Variants in NAPG observed in about 807,000 individuals in gnomAD.
The protein encoded by NAPG is NSF attachment protein gamma, also known as gamma-soluble NSF attachment protein.
NAPG carries 25 observed loss-of-function variants against 48.4 expected under a neutral mutation model. The ratio of observed to expected loss-of-function variants is 0.52; its 90% CI spans 0.38 to 0.72. The LOEUF is 0.72. NAPG is among the 30% of genes least tolerant of loss of function. The pLI is 0.00. For missense variants in NAPG, 359 were observed against 372.5 expected, an observed-to-expected ratio of 0.96 and a Z score of 0.30; for synonymous variants, 139 against 127.2, an observed-to-expected ratio of 1.09 and a Z score of -0.62.
At position 10,530,781 on chromosome 18, in the gene NAPG, G is replaced by GT; in HGVS notation, c.74dup (p.Leu25PhefsTer8). 6.4e-7 allele frequency: 1 copy of GT among 1,573,892 alleles called. No individual in the cohort carries two copies. Among genetic ancestry groups the GT allele is most frequent in the Non-Finnish European group, 8.6e-7 (1 of 1,159,968 alleles). On this transcript the variant is annotated frameshift_variant, in exon 2 of 12. Coordinates refer to ENST00000322897, the MANE Select transcript of NAPG (RefSeq NM_003826.3). LOFTEE classifies it high-confidence loss of function. Reference sequence around the variant, plus strand: ...TTTTTTCATTCTAGCCTGAAAACTGGTTTTTTAAAATGGAAGCCAGATTAT... The same window carrying GT: ...TTTTTTCATTCTAGCCTGAAAACTGGTTTTTTTAAAATGGAAGCCAGATTAT...
Position 10,539,501 on chromosome 18 carries a change from T to C in NAPG, c.259-261T>C. On this transcript the variant is annotated intron_variant, in intron 5 of 11. Transcript: ENST00000322897. The surrounding 1 kb of genome is among the most constrained non-coding windows in gnomAD (Gnocchi z 4.7). Reference sequence around the variant, plus strand: ...CACAGGGAGGGGAACATCACACTCCTGGGCCTGTCGGGGGCTGGGGAATAA... The same window carrying C: ...CACAGGGAGGGGAACATCACACTCCCGGGCCTGTCGGGGGCTGGGGAATAA... The C allele has an allele frequency of 2.7e-6, 1 of 374,894 alleles. No individual in the cohort carries two copies. The highest frequency in any genetic ancestry group is 2.9e-5 in the South Asian group (1 of 34,412). 23.2% of individuals were successfully genotyped at this position (374,894 alleles called of 1,614,324 possible).
At chr18:10,545,922 G>C (rs941643512) in intron 8 of NAPG, among the ~76,000 whole-genome samples, 1 of 152,134 alleles carries the variant, frequency 6.6e-6, no homozygotes, top group Admixed American at 6.5e-5. Flanking sequence ...GGACACAGTC[G>C]GGGGAAGGCA....
chr18:10,533,469 G>A, intron 3 of NAPG, 67 bp from the exon 4 acceptor site: 1 of 1,407,452 alleles, frequency 7.1e-7, no homozygotes, highest in Non-Finnish European at 9.7e-7. Flanking sequence ...TCTTTAAATA[G>A]TTGATCTATA....
chr18:10,538,306 G>A, intron 5 of NAPG, among the ~76,000 whole-genome samples: 1 of 152,190 alleles, frequency 6.6e-6, no homozygotes, highest in Non-Finnish European at 1.5e-5. Flanking sequence ...GCCAGGAGGT[G>A]CATGCTCATG....
chr18:10,550,753 G>C lies in NAPG; in HGVS notation c.*533G>C, dbSNP rs1231153254. 1 of 152,298 alleles carries C rather than the reference G, an allele frequency of 6.6e-6. No homozygotes were observed. Among genetic ancestry groups the C allele is most frequent in the African/African-American group, 2.4e-5 (1 of 41,396 alleles). 9.4% of individuals were successfully genotyped at this position (152,298 alleles called of 1,614,324 possible). ...TGAGATGGGGACAGGAAGTTATTTT[G>C]AGCCTTACAATATTATTTAGCCCAA... On this transcript the variant is annotated 3_prime_UTR_variant, in exon 12 of 12. Transcript: ENST00000322897.
At position 10,551,402 on chromosome 18, in the gene NAPG, T is replaced by G. The variant is rs2032391015; in HGVS notation, c.*1182T>G. On this transcript the variant is annotated 3_prime_UTR_variant, in exon 12 of 12. Coordinates refer to ENST00000322897, the MANE Select transcript of NAPG (RefSeq NM_003826.3). Reference sequence around the variant, plus strand: ...ATGCTATATACTATGAAAACTTAGCTGAAAGGGAAGAATTGTTTTAGAAAG... The same window carrying G: ...ATGCTATATACTATGAAAACTTAGCGGAAAGGGAAGAATTGTTTTAGAAAG... The G allele has an allele frequency of 6.6e-6, 1 of 152,254 alleles. No homozygotes were observed. The highest frequency in any genetic ancestry group is 6.5e-5 in the Admixed American group (1 of 15,282). The allele number at this position is 152,254 out of a possible 1,614,324, so 9.4% of individuals were successfully genotyped here. A position where few individuals can be genotyped will look rare whatever the true frequency, so the allele number is the denominator to read the frequency against.
chr18:10,539,046 TTGG>T lies in NAPG; in HGVS notation c.259-712_259-710del, dbSNP rs1269733080. On this transcript the variant is annotated intron_variant, in intron 5 of 11. Transcript: ENST00000322897. The surrounding 1 kb of genome is among the most constrained non-coding windows in gnomAD (Gnocchi z 4.7). ...GAGAAATAGGAAAGTTTTTATACTG[TTGG>T]TGGGAGTGTAAATTAGTTCAACCGT... 6.6e-6 allele frequency: 1 copy of T among 152,182 alleles called. No individual in the cohort carries two copies. The highest frequency in any genetic ancestry group is 1.5e-5 in the Non-Finnish European group (1 of 68,038). 9.4% of individuals were successfully genotyped at this position (152,182 alleles called of 1,614,324 possible).
Position 10,539,641 on chromosome 18 carries a change from G to A in NAPG, c.259-121G>A. The A allele has an allele frequency of 3.8e-6, 3 of 789,282 alleles. No homozygotes were observed. The highest frequency in any genetic ancestry group is 5.4e-5 in the East Asian group (2 of 37,304). 48.9% of individuals were successfully genotyped at this position (789,282 alleles called of 1,614,324 possible). A position where few individuals can be genotyped will look rare whatever the true frequency, so the allele number is the denominator to read the frequency against. On this transcript the variant is annotated intron_variant, in intron 5 of 11. Transcript: ENST00000322897. This position sits in a 1 kb window ranked among gnomAD's most constrained non-coding sequence, Gnocchi z 4.7. Reference sequence around the variant, plus strand: ...ACATGTATACCTATGTAACAAACCTGCACATTCTGCACATGTGTCCCAGAA... The same window carrying A: ...ACATGTATACCTATGTAACAAACCTACACATTCTGCACATGTGTCCCAGAA...
Position 10,533,372 on chromosome 18 carries a change from A to G in NAPG, c.210-164A>G, listed in dbSNP as rs2031969385. On this transcript the variant is annotated intron_variant, in intron 3 of 11. Coordinates refer to ENST00000322897, the MANE Select transcript of NAPG (RefSeq NM_003826.3). ...TTTGGGAATTATGTAGTTTTAAACT[A>G]TATTGACAGGTATTGAATTACTTCT... 1.5e-5 allele frequency: 8 copies of G among 523,656 alleles called. No individual in the cohort carries two copies. The East Asian group carries it at 2.6e-4, about 17-fold the overall frequency. The allele number at this position is 523,656 out of a possible 1,614,324, so 32.4% of individuals were successfully genotyped here.
In NAPG at chr18:10,534,781, C is replaced by G. The variant is rs2031998854; in HGVS notation, c.258+285C>G. Among the ~76,000 whole-genome samples the G allele has an allele frequency of 6.6e-6, 1 of 152,088 alleles. No homozygotes were observed. The highest frequency in any genetic ancestry group is 1.5e-5 in the Non-Finnish European group (1 of 68,032). The stretch of plus-strand genomic sequence containing the variant: ...TAGATGTGTATTGCTATAAAAAGAG[C>G]TCTATGGGAAGTTTCTCTACTTTTG... On this transcript the variant is annotated intron_variant, in intron 5 of 11. Transcript: ENST00000322897. This position sits in a 1 kb window ranked among gnomAD's most constrained non-coding sequence, Gnocchi z 5.0.
At chr18:10,549,979 C>T in intron 11 of NAPG, 98 bp from the exon 12 acceptor site, 1 of 1,289,182 alleles carries the variant, frequency 7.8e-7, no homozygotes, top group Non-Finnish European at 1.0e-6. Context: ...ATTGGTGTTC[C>T]TGAGGGTGGG....
At position 10,546,945 on chromosome 18, in the gene NAPG, C is replaced by T. The variant is rs2032279592; in HGVS notation, c.585+541C>T. Among the ~76,000 whole-genome samples, 1 of 152,126 alleles carries T rather than the reference C, an allele frequency of 6.6e-6. No individual in the cohort carries two copies. The highest frequency in any genetic ancestry group is 6.5e-5 in the Admixed American group (1 of 15,272). On this transcript the variant is annotated intron_variant, in intron 9 of 11. Transcript: ENST00000322897. This position sits in a 1 kb window ranked among gnomAD's most constrained non-coding sequence, Gnocchi z 4.0. Reference sequence around the variant, plus strand: ...CAGGTTGATAAAACTCCACAAGGACCCCAGTCTCTTTTGCCAGAGGAACTA... The same window carrying T: ...CAGGTTGATAAAACTCCACAAGGACTCCAGTCTCTTTTGCCAGAGGAACTA...
rs1345507371 is a variant in NAPG at position 10,544,765 on chromosome 18, G to T, written c.507-1561G>T. On this transcript the variant is annotated intron_variant, in intron 8 of 11. Transcript: ENST00000322897. This position sits in a 1 kb window ranked among gnomAD's most constrained non-coding sequence, Gnocchi z 5.1. ...AATGTTTACAAGGGGCAAGAATCGG[G>T]AGCACTCTTAGAATTCTGCTACCAA... Among the ~76,000 whole-genome samples, 1 of 152,166 alleles carries T rather than the reference G, an allele frequency of 6.6e-6. No individual in the cohort carries two copies. Among genetic ancestry groups the T allele is most frequent in the Non-Finnish European group, 1.5e-5 (1 of 68,036 alleles).
At chr18:10,538,226 A>G (rs1364679688) in intron 5 of NAPG, among the ~76,000 whole-genome samples, 1 of 152,192 alleles carries the variant, frequency 6.6e-6, no homozygotes, top group Non-Finnish European at 1.5e-5. Flanking sequence ...CTCAGGGTGT[A>G]GAGGAATAAC....
At chr18:10,547,870 T>G (rs2032301103) in intron 9 of NAPG, among the ~76,000 whole-genome samples, 1 of 152,232 alleles carries the variant, frequency 6.6e-6, no homozygotes, top group African/African-American at 2.4e-5. Flanking sequence ...TTTTTCCTAG[T>G]TTCTTTTTAA....
chr18:10,540,023 A>G lies in NAPG; in HGVS notation c.404A>G (p.Gln135Arg), dbSNP rs1256295984. 1 of 1,594,442 alleles carries G rather than the reference A, an allele frequency of 6.3e-7. No individual in the cohort carries two copies. Among genetic ancestry groups the G allele is most frequent in the Admixed American group, 1.7e-5 (1 of 57,232 alleles). Reference protein sequence around the residue: ...IENVDPEKAVQLYQQTANVFE... With the variant: ...IENVDPEKAVRLYQQTANVFE... ...AATGTTGATCCAGAGAAGGCTGTACAGTTATATCAACAGACAGCTAATGTG... is the reference window on the plus strand; with the variant it reads ...AATGTTGATCCAGAGAAGGCTGTACGGTTATATCAACAGACAGCTAATGTG... The change falls in exon 7 of 12, where the codon CAG becomes CGG. Residue 135 changes from glutamine (Q) to arginine (R), a missense_variant. Physicochemically the swap from Gln to Arg is conservative, Grantham distance 43. Coordinates refer to ENST00000322897, the MANE Select transcript of NAPG (RefSeq NM_003826.3).
At chr18:10,529,573 C>G (rs559582042) in intron 1 of NAPG, among the ~76,000 whole-genome samples, 1 of 152,020 alleles carries the variant, frequency 6.6e-6, no homozygotes, top group Non-Finnish European at 1.5e-5. Flanking sequence ...GCCAACATGG[C>G]GAAACCTCTT....
intron 1 of NAPG, chr18:10,526,758 C>A (rs1008650345): frequency 6.5e-6 from 1 of 152,680 alleles, no homozygotes; most frequent in African/African-American, 2.4e-5. Flanking sequence ...CCTGCCACCT[C>A]TGGTACAGTA....
At chr18:10,536,154 G>A (rs1249010173) in intron 5 of NAPG, among the ~76,000 whole-genome samples, 1 of 152,124 alleles carries the variant, frequency 6.6e-6, no homozygotes, top group African/African-American at 2.4e-5. Flanking sequence ...CATTTCCATT[G>A]CTCAAGTATC....
Sources: allele counts gnomAD v4.1 joint callset (sites outside exome capture counted in the v4.1 genomes callset), GRCh38; gene constraint gnomAD v4.1.1; non-coding constraint Gnocchi (gnomAD v3.1); transcripts MANE v1.5; gene names NCBI Gene and HGNC (gene_info 2026-07-23, HGNC 2026-07-21).